The following TANGO6 variants were observed in gnomAD, a reference collection of about 807,000 sequenced individuals.
TANGO6 encodes the protein transport and Golgi organization protein 6 homolog.
TANGO6 carries 90 observed loss-of-function variants against 114.2 expected under a neutral mutation model. The ratio of observed to expected loss-of-function variants is 0.79; its 90% CI spans 0.66 to 0.94. TANGO6 has a LOEUF of 0.94. Among genes scored for constraint, TANGO6 ranks in the 40% least tolerant of loss-of-function variants. TANGO6 has a pLI of 0.00. For missense variants in TANGO6, 1,274 were observed against 1,315.3 expected, an observed-to-expected ratio of 0.97 and a Z score of 0.49; for synonymous variants, 477 against 509.8, an observed-to-expected ratio of 0.94 and a Z score of 0.87.
intron 15 of TANGO6, among the ~76,000 whole-genome samples, chr16:68,998,860 G>C (rs1234432986): frequency 1.3e-5 from 2 of 151,876 alleles, no homozygotes; most frequent in Admixed American, 6.6e-5. Flanking sequence ...TGTCTTTGAT[G>C]AAACATTGTT....
At chr16:68,925,149 A>G (rs1963149938) in intron 12 of TANGO6, among the ~76,000 whole-genome samples, 1 of 152,098 alleles carries the variant, frequency 6.6e-6, no homozygotes, top group Non-Finnish European at 1.5e-5. Flanking sequence ...TGACTCTACT[A>G]AAAATACAAA....
intron 1 of TANGO6, among the ~76,000 whole-genome samples, chr16:68,857,234 A>G (rs1193618450): frequency 2.0e-5 from 3 of 152,146 alleles, no homozygotes; most frequent in African/African-American, 7.2e-5. Flanking sequence ...AATGTCATGT[A>G]GTTGGAATTA....
chr16:68,900,480 T>C lies in TANGO6; in HGVS notation c.1424T>C (p.Leu475Pro). 1 of 1,614,054 alleles carries C rather than the reference T, an allele frequency of 6.2e-7. No homozygotes were observed. Among genetic ancestry groups the C allele is most frequent in the Non-Finnish European group, 8.5e-7 (1 of 1,179,894 alleles). Residue 475 changes from leucine (L) to proline (P), a missense_variant, in exon 8 of 18, where the codon CTG (leucine) becomes CCG (proline). Leu to Pro is a moderately conservative substitution (Grantham distance 98). This residue lies in a region of TANGO6 where 908 missense variants were observed against 910.2 expected (regional missense o/e 1.00). Coordinates refer to ENST00000261778, the MANE Select transcript of TANGO6 (RefSeq NM_024562.2). The part of the protein sequence containing the change: ...NEPLTVLMDS[L>P]LPVLGVLFLL... Reference sequence around the variant, plus strand: ...CCTTTAACAGTTTTGATGGATTCCCTGCTTCCAGTCCTGGGAGTGCTTTTT... The same window carrying C: ...CCTTTAACAGTTTTGATGGATTCCCCGCTTCCAGTCCTGGGAGTGCTTTTT...
chr16:69,031,223 A>G (rs1441051405), intron 16 of TANGO6, among the ~76,000 whole-genome samples: 1 of 151,996 alleles, frequency 6.6e-6, no homozygotes, highest in East Asian at 1.9e-4. Flanking sequence ...AGGAATGTTC[A>G]TGGTCATTAG....
At chr16:68,958,903 A>G (rs1963561854) in intron 14 of TANGO6, among the ~76,000 whole-genome samples, 1 of 152,104 alleles carries the variant, frequency 6.6e-6, no homozygotes, top group Non-Finnish European at 1.5e-5. Flanking sequence ...ATGCCACTGC[A>G]CTCCAGTCTG....
At chr16:68,949,120 A>T (rs1963445191) in intron 14 of TANGO6, among the ~76,000 whole-genome samples, 1 of 152,188 alleles carries the variant, frequency 6.6e-6, no homozygotes, top group African/African-American at 2.4e-5. Context: ...TGGGAGGGGC[A>T]GGTTGCGGTA....
At position 68,860,104 on chromosome 16, in the gene TANGO6, G is replaced by A; in HGVS notation, c.315G>A (p.Leu105=). 6.2e-7 allele frequency: 1 copy of A among 1,614,024 alleles called. No homozygotes were observed. The change falls in exon 2 of 18, where the codon TTG becomes TTA. Residue 105 remains leucine (L), a synonymous_variant. Transcript: ENST00000261778. ...TSQTLLLLLC[L]KETMIRLAAN... Reference sequence around the variant, plus strand: ...AAACCTTGTTGTTGCTTTTGTGCTTGAAGGAAACCATGATCCGCCTTGCAG... The same window carrying A: ...AAACCTTGTTGTTGCTTTTGTGCTTAAAGGAAACCATGATCCGCCTTGCAG...
At chr16:69,018,993 A>G (rs543386228) in intron 15 of TANGO6, among the ~76,000 whole-genome samples, 1 of 152,352 alleles carries the variant, frequency 6.6e-6, no homozygotes, top group East Asian at 1.9e-4. Flanking sequence ...ATTTGCATAC[A>G]TAAATGGGAA....
chr16:68,886,619 C>G (rs1057191520), intron 7 of TANGO6, among the ~76,000 whole-genome samples: 2 of 151,958 alleles, frequency 1.3e-5, no homozygotes, highest in African/African-American at 2.4e-5. Flanking sequence ...AGCAATTCTC[C>G]TGCCTCAGCC....
chr16:68,870,523 C>G (rs992563305), intron 4 of TANGO6, among the ~76,000 whole-genome samples: 1 of 152,104 alleles, frequency 6.6e-6, no homozygotes, highest in Non-Finnish European at 1.5e-5. Context: ...AGGGTTAGAC[C>G]TCACTTAAGG....
chr16:68,972,984 T>A, intron 14 of TANGO6: 2 of 321,736 alleles, frequency 6.2e-6, no homozygotes, highest in Non-Finnish European at 1.2e-5. Context: ...CAAGGGAGAG[T>A]GTTAAAAGAT....
intron 17 of TANGO6, among the ~76,000 whole-genome samples, chr16:69,056,050 G>GA (rs1960028119): frequency 6.6e-6 from 1 of 151,482 alleles, no homozygotes; most frequent in Admixed American, 6.6e-5. Context: ...AAAAAAAAAA[G>GA]AAAAAGAAAA....
intron 15 of TANGO6, among the ~76,000 whole-genome samples, chr16:69,007,371 G>A (rs1302326247): frequency 6.7e-6 from 1 of 149,642 alleles, no homozygotes; most frequent in African/African-American, 2.5e-5. Flanking sequence ...CTGGGTTCAA[G>A]CAATTCTCCT....
At chr16:68,999,677 A>G (rs775946754) in intron 15 of TANGO6, among the ~76,000 whole-genome samples, 3 of 152,202 alleles carry the variant, frequency 2.0e-5, no homozygotes, top group Non-Finnish European at 4.4e-5. Context: ...TCCTTAGAGG[A>G]GTATACTTTA....
At chr16:69,028,368 G>A (rs1959539445) in intron 16 of TANGO6, among the ~76,000 whole-genome samples, 1 of 152,092 alleles carries the variant, frequency 6.6e-6, no homozygotes, top group South Asian at 2.1e-4. Context: ...AGAGGCCCAC[G>A]CCTATAATCT....
intron 16 of TANGO6, among the ~76,000 whole-genome samples, chr16:69,028,711 A>G (rs1959545177): frequency 6.6e-6 from 1 of 151,822 alleles, no homozygotes; most frequent in Admixed American, 6.6e-5. Flanking sequence ...TGGTACAATC[A>G]CACACACTTT....
Position 68,878,149 on chromosome 16 carries a change from T to G in TANGO6, c.1163T>G (p.Leu388Trp). 1 of 1,610,700 alleles carries G rather than the reference T, an allele frequency of 6.2e-7. No homozygotes were observed. The highest frequency in any genetic ancestry group is 8.5e-7 in the Non-Finnish European group (1 of 1,178,900). Residue 388 changes from leucine to tryptophan, a missense_variant, in exon 6 of 18, where the codon TTG (leucine) becomes TGG (tryptophan). By Grantham distance (61) the Leu-to-Trp change is moderately conservative. Transcript: ENST00000261778. Reference protein sequence around the residue: ...VLDLFHFQDKLTARQFQRVAT... With the variant: ...VLDLFHFQDKWTARQFQRVAT... Reference sequence around the variant, plus strand: ...GATTTATTTCACTTTCAAGATAAATTGACAGCACGACAATTTCAGAGAGTT... The same window carrying G: ...GATTTATTTCACTTTCAAGATAAATGGACAGCACGACAATTTCAGAGAGTT...
intron 17 of TANGO6, among the ~76,000 whole-genome samples, chr16:69,062,789 A>T (rs1370308103): frequency 6.6e-5 from 9 of 135,974 alleles, no homozygotes; most frequent in East Asian, 2.0e-4. Context: ...AAGAAATTTA[A>T]AAAAAAAAAA....
chr16:68,909,199 C>T lies in TANGO6; in HGVS notation c.1801-12C>T, dbSNP rs755044037. On this transcript the variant is annotated splice_polypyrimidine_tract_variant and intron_variant, in intron 10 of 17. Transcript: ENST00000261778. ...CTTTATCTTCACTTTTTCTTTCCTG[C>T]CATGCTTGTAGGAGTTGACTCATGT... 9 of 1,494,016 alleles carry T rather than the reference C, an allele frequency of 6.0e-6. No individual in the cohort carries two copies. The highest frequency in any genetic ancestry group is 4.5e-6 in the Non-Finnish European group (5 of 1,114,996). 92.5% of individuals were successfully genotyped at this position (1,494,016 alleles called of 1,614,324 possible).
Sources: gnomAD v4.1 joint callset for allele counts (sites outside exome capture counted in the v4.1 genomes callset) on GRCh38, gnomAD v4.1.1 for gene constraint, gnomAD v4.1.1 regional missense constraint, MANE v1.5 for transcripts, NCBI Gene and HGNC (gene_info 2026-07-23, HGNC 2026-07-21) for gene names.